ANGPT1: variants seen among roughly 807,000 people sequenced by gnomAD.
ANGPT1 encodes angiopoietin-1.
ANGPT1 carries 17 observed loss-of-function variants against 62.2 expected under a neutral mutation model. The observed-to-expected ratio is 0.27, with a 90% CI of 0.19 to 0.41. The LOEUF (loss-of-function observed/expected upper bound fraction) is 0.41, where lower values mean the gene tolerates loss of function less well. Ranked by LOEUF, ANGPT1 falls within the 10% of genes least tolerant of loss-of-function variation. ANGPT1 has a pLI of 1.00. For synonymous variants in ANGPT1, 199 were observed against 198.9 expected, an observed-to-expected ratio of 1.00 and a Z score of 0.00; for missense variants, 478 against 594.9, an observed-to-expected ratio of 0.80 and a Z score of 2.04.
rs948832878 is a variant in ANGPT1, at chr8:107,429,320, G to A, written c.297+67942C>T. Among the ~76,000 whole-genome samples the A allele has an allele frequency of 9.2e-5, 14 of 152,258 alleles. No individual in the cohort carries two copies. In the South Asian group the frequency reaches 1.4e-3, roughly 16 times the overall value. ...CAGGCGAGTGAAACCCGGACTTCCC[G>A]GGGAGGCTCTCCAATCACCATCTCA... On this transcript the variant is annotated intron_variant, in intron 1 of 8. Transcript: ENST00000517746.
At chr8:107,422,953 T>C (rs1810930244) in intron 1 of ANGPT1, among the ~76,000 whole-genome samples, 2 of 152,218 alleles carry the variant, frequency 1.3e-5, no homozygotes, top group Non-Finnish European at 2.9e-5. Context: ...TCAGGTTGTA[T>C]ATAAAGAAGA....
intron 6 of ANGPT1, among the ~76,000 whole-genome samples, chr8:107,286,495 G>T (rs928467478): frequency 6.6e-6 from 1 of 152,116 alleles, no homozygotes; most frequent in African/African-American, 2.4e-5. Context: ...TCTACTATGG[G>T]AAAGTTTTAG....
intron 7 of ANGPT1, among the ~76,000 whole-genome samples, chr8:107,282,691 C>T (rs1290239736): frequency 1.3e-5 from 2 of 149,438 alleles, no homozygotes; most frequent in Non-Finnish European, 3.0e-5. Flanking sequence ...GTTCACAGTT[C>T]TATCAAGAAA....
At chr8:107,324,421 T>G (rs1277948841) in intron 3 of ANGPT1, among the ~76,000 whole-genome samples, 1 of 151,898 alleles carries the variant, frequency 6.6e-6, no homozygotes, top group Admixed American at 6.6e-5. Flanking sequence ...GAAAAGGTTG[T>G]GTAAAGATTG....
At position 107,379,816 on chromosome 8, in the gene ANGPT1, A is replaced by G. The variant is rs752652130; in HGVS notation, c.298-32719T>C. Among the ~76,000 whole-genome samples the G allele has an allele frequency of 3.9e-5, 6 of 152,320 alleles. No homozygotes were observed. The South Asian group carries it at 8.3e-4, about 21-fold the overall frequency. On this transcript the variant is annotated intron_variant, in intron 1 of 8. Transcript: ENST00000517746. The stretch of plus-strand genomic sequence containing the variant: ...ACAGTTATTAAGAAAAAGTGAATTT[A>G]TTCAACTTTTTAAGCTACTAAAAGC...
At chr8:107,445,969 G>C (rs1487999748) in intron 1 of ANGPT1, among the ~76,000 whole-genome samples, 7 of 152,162 alleles carry the variant, frequency 4.6e-5, no homozygotes, top group Non-Finnish European at 1.0e-4. Flanking sequence ...CCAGGCTGGA[G>C]TGCAGTGGCG....
chr8:107,378,724 T>C (rs1158910729), intron 1 of ANGPT1, among the ~76,000 whole-genome samples: 2 of 152,050 alleles, frequency 1.3e-5, no homozygotes, highest in African/African-American at 4.8e-5. Context: ...TCTTCCCCCT[T>C]CCCTTGGCAC....
chr8:107,493,245 T>A (rs1439886529), intron 1 of ANGPT1, among the ~76,000 whole-genome samples: 2 of 150,464 alleles, frequency 1.3e-5, no homozygotes, highest in African/African-American at 4.9e-5. Flanking sequence ...AAAACAAGCC[T>A]AGAAACAAAC....
intron 1 of ANGPT1, among the ~76,000 whole-genome samples, chr8:107,411,987 T>C (rs567761983): frequency 3.3e-5 from 5 of 152,302 alleles, no homozygotes; most frequent in East Asian, 1.9e-4. Context: ...TTGATTCTTA[T>C]TTGGGCTGAA....
Position 107,497,282 on chromosome 8 carries a change from A to G in ANGPT1, c.277T>C (p.Tyr93His). 1 of 1,614,152 alleles carries G rather than the reference A, an allele frequency of 6.2e-7. No individual in the cohort carries two copies. The highest frequency in any genetic ancestry group is 8.5e-7 in the Non-Finnish European group (1 of 1,180,000). ...LQHLEHVMENYTQWLQKLENY... is the reference protein window; with the variant it reads ...LQHLEHVMENHTQWLQKLENY... Reference sequence around the variant, plus strand: ...CTTACTTTTTGCAGCCACTGAGTATAATTTTCCATCACATGTTCCAGATGT... The same window carrying G: ...CTTACTTTTTGCAGCCACTGAGTATGATTTTCCATCACATGTTCCAGATGT... Residue 93 changes from tyrosine (Y) to histidine (H), a missense_variant, in exon 1 of 9, where the codon TAT (tyrosine) becomes CAT (histidine). Coordinates refer to ENST00000517746, the MANE Select transcript of ANGPT1 (RefSeq NM_001146.5).
intron 1 of ANGPT1, among the ~76,000 whole-genome samples, chr8:107,469,244 C>A (rs958855437): frequency 2.6e-5 from 4 of 151,904 alleles, no homozygotes; most frequent in African/African-American, 9.7e-5. Flanking sequence ...ATATCTTGAC[C>A]AAATCCAATC....
chr8:107,326,579 G>T (rs564780173), intron 3 of ANGPT1, among the ~76,000 whole-genome samples: 1 of 151,856 alleles, frequency 6.6e-6, no homozygotes, highest in African/African-American at 2.4e-5. Context: ...TTATTGGCTA[G>T]TATCTACTTT....
chr8:107,313,309 G>A (rs537533650), intron 4 of ANGPT1, among the ~76,000 whole-genome samples: 16 of 151,494 alleles, frequency 1.1e-4, no homozygotes, highest in Middle Eastern at 3.5e-3. Flanking sequence ...CTCAGAATGT[G>A]AACACCCAAA....
In ANGPT1 at chr8:107,450,725, T is replaced by TGTGG. The variant is rs1554595541; in HGVS notation, c.297+46536_297+46537insCCAC. Among the ~76,000 whole-genome samples the TGTGG allele has an allele frequency of 6.5e-3, 985 of 151,190 alleles. 12 individuals carry two copies. Among genetic ancestry groups the TGTGG allele is most frequent in the African/African-American group, 0.021 (874 of 41,266 alleles). ...GAATAGGTGTGTGTGTGTGTGTGTG[T>TGTGG]GTGTGCATGTGTGCATGTGAATATA... On this transcript the variant is annotated intron_variant, in intron 1 of 8. Coordinates refer to ENST00000517746, the MANE Select transcript of ANGPT1 (RefSeq NM_001146.5).
chr8:107,453,787 T>C (rs1360802019), intron 1 of ANGPT1, among the ~76,000 whole-genome samples: 2 of 151,976 alleles, frequency 1.3e-5, no homozygotes, highest in African/African-American at 4.8e-5. Context: ...AAAGTGGATT[T>C]AAATGACTAT....
chr8:107,249,842 A>G lies in ANGPT1; in HGVS notation c.*2013T>C, dbSNP rs148992517. 1.3e-5 allele frequency: 2 copies of G among 152,662 alleles called. No homozygotes were observed. The highest frequency in any genetic ancestry group is 4.8e-5 in the African/African-American group (2 of 41,578). 9.5% of individuals were successfully genotyped at this position (152,662 alleles called of 1,614,324 possible). ...CTTTATCCAAAAACTGGTTTAAGAA[A>G]GTGTCTGTAGGAACACAAAAGGACA... On this transcript the variant is annotated 3_prime_UTR_variant, in exon 9 of 9. Coordinates refer to ENST00000517746, the MANE Select transcript of ANGPT1 (RefSeq NM_001146.5).
At chr8:107,463,479 C>T (rs556591169) in intron 1 of ANGPT1, among the ~76,000 whole-genome samples, 1 of 152,188 alleles carries the variant, frequency 6.6e-6, no homozygotes, top group East Asian at 1.9e-4. Context: ...CCCCAAATGT[C>T]CTCCTGAGAG....
At chr8:107,407,257 A>G (rs1050417749) in intron 1 of ANGPT1, among the ~76,000 whole-genome samples, 1 of 102,576 alleles carries the variant, frequency 9.7e-6, no homozygotes, top group East Asian at 3.2e-4. Flanking sequence ...ACAGAACTCA[A>G]TGTAGACCAT....
At chr8:107,336,569 G>T (rs889833511) in intron 2 of ANGPT1, 23 of 202,266 alleles carry the variant, frequency 1.1e-4, no homozygotes, top group African/African-American at 4.6e-4. Context: ...GGAGGCTGAC[G>T]CAGGAGAATG....
Sources: gnomAD v4.1 joint callset for allele counts (sites outside exome capture counted in the v4.1 genomes callset) on GRCh38, gnomAD v4.1.1 for gene constraint, MANE v1.5 for transcripts, NCBI Gene and HGNC (gene_info 2026-07-23, HGNC 2026-07-21) for gene names.